Variants in UBE2E2 observed in about 807,000 individuals in gnomAD.
The protein encoded by UBE2E2 is ubiquitin-conjugating enzyme E2 E2.
In UBE2E2, 6 loss-of-function variants were observed where a neutral mutation model predicts 24.7. That is an observed-to-expected ratio of 0.24 (90% CI 0.13 to 0.48). UBE2E2 has a LOEUF of 0.48. Among genes scored for constraint, UBE2E2 ranks in the 20% least tolerant of loss-of-function variants. UBE2E2 has a pLI of 0.99. For missense variants in UBE2E2, 169 were observed against 245.0 expected (o/e 0.69, Z 2.07); for synonymous variants, 104 against 83.6 (o/e 1.24, Z -1.33).
chr3:23,507,752 T>A (rs189329810), intron 4 of UBE2E2, among the ~76,000 whole-genome samples: 16 of 152,312 alleles, frequency 1.1e-4, no homozygotes, highest in African/African-American at 3.8e-4. Context: ...TTATATCACA[T>A]TATTCTCCAA....
intron 3 of UBE2E2, among the ~76,000 whole-genome samples, chr3:23,384,986 G>C (rs972682738): frequency 6.7e-6 from 1 of 149,614 alleles, no homozygotes; most frequent in African/African-American, 2.5e-5. Context: ...GTCTGATTGC[G>C]GTGGCATGAT....
At chr3:23,259,015 A>C (rs1449677721) in intron 3 of UBE2E2, among the ~76,000 whole-genome samples, 1 of 152,182 alleles carries the variant, frequency 6.6e-6, no homozygotes, top group Non-Finnish European at 1.5e-5. Flanking sequence ...AAACACAGAA[A>C]TCCTTGACAG....
chr3:23,390,853 A>G (rs1288603821), intron 3 of UBE2E2, among the ~76,000 whole-genome samples: 2 of 152,208 alleles, frequency 1.3e-5, no homozygotes, highest in Admixed American at 6.5e-5. Flanking sequence ...TGAACATGAC[A>G]AGAAACATCA....
chr3:23,272,147 T>G (rs558427066), intron 3 of UBE2E2, among the ~76,000 whole-genome samples: 1 of 152,298 alleles, frequency 6.6e-6, no homozygotes, highest in African/African-American at 2.4e-5. Context: ...CATGGCGGGC[T>G]GCAGGTCCCG....
chr3:23,501,710 G>A (rs988462985), intron 4 of UBE2E2, among the ~76,000 whole-genome samples: 4 of 152,098 alleles, frequency 2.6e-5, no homozygotes, highest in African/African-American at 7.2e-5. Context: ...GTCAGTTACC[G>A]GGAAGTAGAT....
At chr3:23,584,203 A>G (rs4384902) in intron 5 of UBE2E2, among the ~76,000 whole-genome samples, 146,288 of 152,344 alleles carry the variant, frequency 0.96, 70,296 homozygotes, top group Middle Eastern at 1. Flanking sequence ...TTGTTTATGC[A>G]ATGAATCACA....
At chr3:23,258,900 G>GAAAAAAAAA (rs11333992) in intron 3 of UBE2E2, among the ~76,000 whole-genome samples, 31 of 78,898 alleles carry the variant, frequency 3.9e-4, no homozygotes, top group Admixed American at 9.1e-4. Flanking sequence ...CTCAAAAAAA[G>GAAAAAAAAA]AAAAAAAAAA....
At chr3:23,481,631 A>G (rs1699262203) in intron 3 of UBE2E2, among the ~76,000 whole-genome samples, 1 of 152,210 alleles carries the variant, frequency 6.6e-6, no homozygotes, top group African/African-American at 2.4e-5. Context: ...CAGCAGCCTC[A>G]GCTGTGCTTT....
chr3:23,292,381 A>G (rs1698792872), intron 3 of UBE2E2, among the ~76,000 whole-genome samples: 1 of 152,194 alleles, frequency 6.6e-6, no homozygotes, highest in Non-Finnish European at 1.5e-5. Flanking sequence ...TTCTGCAGAC[A>G]TACATGCCCA....
chr3:23,210,922 T>G (rs1696304873), intron 2 of UBE2E2, among the ~76,000 whole-genome samples: 1 of 152,210 alleles, frequency 6.6e-6, no homozygotes, highest in Admixed American at 6.5e-5. Flanking sequence ...AAAATGCGGC[T>G]TCACTACTAA....
At chr3:23,223,931 C>G (rs751393712) in intron 3 of UBE2E2, among the ~76,000 whole-genome samples, 15 of 152,116 alleles carry the variant, frequency 9.9e-5, no homozygotes, top group Non-Finnish European at 1.6e-4. Context: ...GTTATTGATG[C>G]CTTTGTCAAA....
chr3:23,529,643 T>C (rs1042178967), intron 4 of UBE2E2, among the ~76,000 whole-genome samples: 9 of 152,194 alleles, frequency 5.9e-5, no homozygotes, highest in Non-Finnish European at 8.8e-5. Context: ...ATTTTCCCTA[T>C]TGAGTTGTTT....
intron 5 of UBE2E2, among the ~76,000 whole-genome samples, chr3:23,562,465 G>T (rs1465265568): frequency 1.3e-5 from 2 of 152,276 alleles, no homozygotes; most frequent in East Asian, 3.9e-4. Context: ...GCTGGATTCG[G>T]TTTGCCAGTA....
intron 3 of UBE2E2, among the ~76,000 whole-genome samples, chr3:23,316,155 A>G (rs1266293455): frequency 6.6e-6 from 1 of 152,106 alleles, no homozygotes; most frequent in Non-Finnish European, 1.5e-5. Context: ...TTAAGGTCCT[A>G]GAGCTTTGCC....
intron 4 of UBE2E2, among the ~76,000 whole-genome samples, chr3:23,529,806 T>TTAC (rs1235849587): frequency 6.6e-6 from 1 of 152,236 alleles, no homozygotes; most frequent in Non-Finnish European, 1.5e-5. Flanking sequence ...TTTCATTAAC[T>TTAC]TAGGCTAGTG....
intron 3 of UBE2E2, among the ~76,000 whole-genome samples, chr3:23,236,228 C>T (rs908516643): frequency 2.0e-5 from 3 of 151,964 alleles, no homozygotes; most frequent in Non-Finnish European, 4.4e-5. Context: ...CAAGTGAATA[C>T]GAAAGTAGAA....
intron 3 of UBE2E2, among the ~76,000 whole-genome samples, chr3:23,444,971 A>G (rs956788547): frequency 6.6e-6 from 1 of 152,110 alleles, no homozygotes. Context: ...AAGACAAATC[A>G]TTGCCACCCT....
At chr3:23,282,580 A>T (rs888493157) in intron 3 of UBE2E2, among the ~76,000 whole-genome samples, 1 of 152,186 alleles carries the variant, frequency 6.6e-6, no homozygotes, top group African/African-American at 2.4e-5. Context: ...CTTTAGAGTA[A>T]TACTACATTT....
At chr3:23,230,670 C>A (rs1045772616) in intron 3 of UBE2E2, among the ~76,000 whole-genome samples, 3 of 151,852 alleles carry the variant, frequency 2.0e-5, no homozygotes, top group African/African-American at 7.3e-5. Flanking sequence ...CTTGTAATCC[C>A]AGCTACTCAG....
Sources: allele counts gnomAD v4.1 joint callset (sites outside exome capture counted in the v4.1 genomes callset), GRCh38; gene constraint gnomAD v4.1.1; transcripts MANE v1.5; gene names NCBI Gene and HGNC (gene_info 2026-07-23, HGNC 2026-07-21).